The following ZNF786 variants were observed in gnomAD, a reference collection of about 807,000 sequenced individuals.
The protein encoded by ZNF786 is zinc finger protein 786.
Under a neutral mutation model 63.1 loss-of-function variants are expected in ZNF786, and 56 were observed. The observed-to-expected ratio is 0.89, with a 90% CI of 0.72 to 1.11. The LOEUF is 1.11. Among genes scored for constraint, ZNF786 ranks in the 50% least tolerant of loss-of-function variants. The pLI is 0.00. For missense variants in ZNF786, 1,213 were observed against 1,041.8 expected (o/e 1.16, Z -2.26); for synonymous variants, 485 against 406.9 (o/e 1.19, Z -2.31).
At chr7:149,083,454 T>C (rs1348293797) in intron 1 of ZNF786, among the ~76,000 whole-genome samples, 1 of 152,032 alleles carries the variant, frequency 6.6e-6, no homozygotes, top group Non-Finnish European at 1.5e-5. Flanking sequence ...TGACCTCAGG[T>C]GATCCACCCG....
intron 2 of ZNF786, among the ~76,000 whole-genome samples, chr7:149,078,286 T>G (rs956975249): frequency 3.9e-5 from 6 of 152,226 alleles, no homozygotes; most frequent in Non-Finnish European, 8.8e-5. Flanking sequence ...TATTTTTGCC[T>G]CTATAGATTC....
chr7:149,082,013 A>C (rs1825660570), intron 1 of ZNF786, among the ~76,000 whole-genome samples: 1 of 152,160 alleles, frequency 6.6e-6, no homozygotes, highest in Admixed American at 6.6e-5. Context: ...GGCTGGAAAA[A>C]ACAATAAAAT....
chr7:149,081,393 G>A lies in ZNF786; in HGVS notation c.19-676C>T, dbSNP rs187799922. Among the ~76,000 whole-genome samples, 408 of 130,264 alleles carry A rather than the reference G, an allele frequency of 3.1e-3. 1 individual carries two copies. Among genetic ancestry groups the A allele is most frequent in the African/African-American group, 0.011 (384 of 34,212 alleles). 85.5% of individuals were successfully genotyped at this position (130,264 alleles called of 152,430 possible). ...AGAGGTTGCAGTGAGCGGAGATCGC[G>A]CCACCGCACTACAGCCTGGGCGACA... On this transcript the variant is annotated intron_variant, in intron 1 of 3. Coordinates refer to ENST00000491431, the MANE Select transcript of ZNF786 (RefSeq NM_152411.4).
chr7:149,073,804 T>G (rs1825491889), intron 3 of ZNF786, among the ~76,000 whole-genome samples: 1 of 139,564 alleles, frequency 7.2e-6, no homozygotes, highest in Non-Finnish European at 1.5e-5. Flanking sequence ...GTTTTTTTTT[T>G]GAGACTGAGA....
chr7:149,071,620 G>A lies in ZNF786; in HGVS notation c.1152C>T (p.Leu384=), dbSNP rs1180674983. The A allele has an allele frequency of 1.2e-5, 19 of 1,589,660 alleles. No individual in the cohort carries two copies. The highest frequency in any genetic ancestry group is 1.5e-5 in the Non-Finnish European group (18 of 1,170,574). Residue 384 remains leucine, a synonymous_variant, in exon 4 of 4, where the codon CTC becomes CTT. Coordinates refer to ENST00000491431, the MANE Select transcript of ZNF786 (RefSeq NM_152411.4). Reference sequence around the variant, plus strand: ...CAGTATGCGCCCTGCAGGGGCTGGCGAGCCTGGCGCTCATAGGGGAGCGCT... The same window carrying A: ...CAGTATGCGCCCTGCAGGGGCTGGCAAGCCTGGCGCTCATAGGGGAGCGCT... ...CGERSPMSAR[L]ASPCRAHTGE...
chr7:149,084,458 A>AT (rs1825699196), intron 1 of ZNF786, among the ~76,000 whole-genome samples: 1 of 149,330 alleles, frequency 6.7e-6, no homozygotes, highest in African/African-American at 2.4e-5. Flanking sequence ...CCAGCAGTGT[A>AT]TATGTGTTCT....
rs760544061 is a variant in ZNF786, at chr7:149,071,483, C to A, written c.1289G>T (p.Cys430Phe). The A allele has an allele frequency of 1.2e-6, 2 of 1,613,348 alleles. No individual in the cohort carries two copies. Among genetic ancestry groups the A allele is most frequent in the South Asian group, 1.1e-5 (1 of 91,086 alleles). Reference protein sequence around the residue: ...GGERPFSCRKCGKGFAKQCKL... With the variant: ...GGERPFSCRKFGKGFAKQCKL... ...ACACTGCTTGGCGAAGCCCTTGCCA[C>A]ACTTCCTGCAGGAGAACGGTCTCTC... The change falls in exon 4 of 4, where the codon TGT becomes TTT. Residue 430 changes from cysteine to phenylalanine, a missense_variant. Coordinates refer to ENST00000491431, the MANE Select transcript of ZNF786 (RefSeq NM_152411.4).
At position 149,072,332 on chromosome 7, in the gene ZNF786, C is replaced by T; in HGVS notation, c.440G>A (p.Arg147Lys). The change falls in exon 4 of 4, where the codon AGG (arginine) becomes AAG (lysine). Residue 147 changes from arginine to lysine, a missense_variant. Physicochemically the swap from Arg to Lys is conservative, Grantham distance 26. Transcript: ENST00000491431. The part of the protein sequence containing the change: ...TLGSPQRHDA[R>K]APPPLACGPS... Reference sequence around the variant, plus strand: ...GCCGCAGGCTAGTGGTGGAGGAGCCCTGGCGTCGTGTCTCTGTGGGCTCCC... The same window carrying T: ...GCCGCAGGCTAGTGGTGGAGGAGCCTTGGCGTCGTGTCTCTGTGGGCTCCC... 1 of 1,613,776 alleles carries T rather than the reference C, an allele frequency of 6.2e-7. No homozygotes were observed. Among genetic ancestry groups the T allele is most frequent in the Non-Finnish European group, 8.5e-7 (1 of 1,179,820 alleles).
In ZNF786 at chr7:149,071,679, C is replaced by T. The variant is rs1262368693; in HGVS notation, c.1093G>A (p.Ala365Thr). Residue 365 changes from alanine (A) to threonine (T), a missense_variant, in exon 4 of 4, where the codon GCA becomes ACA. Coordinates refer to ENST00000491431, the MANE Select transcript of ZNF786 (RefSeq NM_152411.4). ...TCCGAGCAGGAGCAGGGCCCCTCTG[C>T]GCCATGCTGCAGCGCCTCCGTGTCC... The part of the protein sequence containing the change: ...EGDTEALQHG[A>T]EGPCSCSECG... The T allele has an allele frequency of 5.7e-6, 9 of 1,566,530 alleles. No individual in the cohort carries two copies. The highest frequency in any genetic ancestry group is 1.3e-5 in the African/African-American group (1 of 74,102).
chr7:149,073,724 C>CAT (rs1554452309), intron 3 of ZNF786, among the ~76,000 whole-genome samples: 5 of 67,876 alleles, frequency 7.4e-5, no homozygotes, highest in African/African-American at 2.3e-4. Context: ...TATATGTGTG[C>CAT]GTGTGTGTGT....
chr7:149,090,516 C>G, intron 1 of ZNF786, 107 bp downstream of exon 1: 5 of 1,273,134 alleles, frequency 3.9e-6, no homozygotes, highest in Non-Finnish European at 5.2e-6. Context: ...TCCGTCCTAC[C>G]CGTGCACCGC....
intron 3 of ZNF786, among the ~76,000 whole-genome samples, chr7:149,073,525 A>C (rs780297210): frequency 6.6e-6 from 1 of 151,878 alleles, no homozygotes; most frequent in Admixed American, 6.6e-5. Flanking sequence ...TGATCATGCT[A>C]CTGTGCTCCA....
In ZNF786 at chr7:149,071,405, G is replaced by C; in HGVS notation, c.1367C>G (p.Ala456Gly). 6.2e-7 allele frequency: 1 copy of C among 1,612,924 alleles called. No homozygotes were observed. The highest frequency in any genetic ancestry group is 1.1e-5 in the South Asian group (1 of 91,028). The change falls in exon 4 of 4, where the codon GCC becomes GGC. Residue 456 changes from alanine (A) to glycine (G), a missense_variant. Physicochemically the swap from Ala to Gly is moderately conservative, Grantham distance 60 (BLOSUM62 0). Coordinates refer to ENST00000491431, the MANE Select transcript of ZNF786 (RefSeq NM_152411.4). ...CTGACGGAAGTTCCTGCCACACTTG[G>C]CACACCGGAAAGGCTTCTCTCCGCT... ...VHSGEKPFRC[A>G]KCGRNFRQRG...
chr7:149,077,593 A>G (rs1825577824), intron 2 of ZNF786, among the ~76,000 whole-genome samples: 1 of 152,016 alleles, frequency 6.6e-6, no homozygotes, highest in African/African-American at 2.4e-5. Flanking sequence ...GCGCCACAGC[A>G]CTCCAGCCTG....
At chr7:149,073,135 A>T (rs943549448) in intron 3 of ZNF786, among the ~76,000 whole-genome samples, 3 of 152,224 alleles carry the variant, frequency 2.0e-5, no homozygotes, top group East Asian at 3.8e-4. Context: ...TGGAATAATT[A>T]ATAGATGGTA....
chr7:149,073,341 T>C (rs1301512359), intron 3 of ZNF786, among the ~76,000 whole-genome samples: 1 of 152,166 alleles, frequency 6.6e-6, no homozygotes, highest in Non-Finnish European at 1.5e-5. Flanking sequence ...AGTATTCAAG[T>C]AGACAACAGT....
At chr7:149,084,884 G>A (rs1168219011) in intron 1 of ZNF786, among the ~76,000 whole-genome samples, 5 of 152,110 alleles carry the variant, frequency 3.3e-5, no homozygotes, top group Non-Finnish European at 5.9e-5. Flanking sequence ...TGTCCAGAAT[G>A]CTACTTCCTA....
Position 149,071,279 on chromosome 7 carries a change from GCT to G in ZNF786, c.1491_1492del (p.Arg497SerfsTer15). ...CTCCCCACCGTGCCGGAGCCGGTGG[GCT>G]CTCAGCATGCTCTCCAGGCGGAAGC... On this transcript the variant is annotated frameshift_variant, in exon 4 of 4. Coordinates refer to ENST00000491431, the MANE Select transcript of ZNF786 (RefSeq NM_152411.4). LOFTEE classifies it high-confidence loss of function. The G allele has an allele frequency of 6.2e-7, 1 of 1,609,886 alleles. No individual in the cohort carries two copies. Among genetic ancestry groups the G allele is most frequent in the Non-Finnish European group, 8.5e-7 (1 of 1,178,652 alleles).
rs769344146 is a variant in ZNF786 at position 149,070,922 on chromosome 7, C to T, written c.1850G>A (p.Gly617Glu). 1 of 1,613,692 alleles carries T rather than the reference C, an allele frequency of 6.2e-7. No homozygotes were observed. Among genetic ancestry groups the T allele is most frequent in the Non-Finnish European group, 8.5e-7 (1 of 1,179,986 alleles). ...QLLSHQRLHT[G>E]ERPFQCPECD... The stretch of plus-strand genomic sequence containing the variant: ...CTCCGGACACTGGAAGGGCCTCTCT[C>T]CCGTGTGCAGGCGCTGATGGCTGAG... The change falls in exon 4 of 4, where the codon GGA becomes GAA. Residue 617 changes from glycine to glutamate, a missense_variant. By Grantham distance (98) the Gly-to-Glu change is moderately conservative. Coordinates refer to ENST00000491431, the MANE Select transcript of ZNF786 (RefSeq NM_152411.4).
Sources: gnomAD v4.1 joint callset for allele counts (sites outside exome capture counted in the v4.1 genomes callset) on GRCh38, gnomAD v4.1.1 for gene constraint, MANE v1.5 for transcripts, NCBI Gene and HGNC (gene_info 2026-07-23, HGNC 2026-07-21) for gene names.